Variants in POU6F2 observed in about 807,000 individuals in gnomAD.
The protein encoded by POU6F2 is POU class 6 homeobox 2, also known as POU domain, class 6, transcription factor 2.
POU6F2 carries 31 observed loss-of-function variants against 71.3 expected under a neutral mutation model. The observed-to-expected ratio is 0.43, with a 90% CI of 0.33 to 0.59. POU6F2 has a LOEUF of 0.59. Among genes scored for constraint, POU6F2 ranks in the 20% least tolerant of loss-of-function variants. The pLI is 0.04. For missense variants in POU6F2, 783 were observed against 856.8 expected, an observed-to-expected ratio of 0.91 and a Z score of 1.07; for synonymous variants, 347 against 355.7, an observed-to-expected ratio of 0.98 and a Z score of 0.27.
chr7:39,295,462 A>G (rs1422163984), intron 4 of POU6F2, among the ~76,000 whole-genome samples: 4 of 152,226 alleles, frequency 2.6e-5, no homozygotes, highest in Non-Finnish European at 5.9e-5. Context: ...CTAAAAATAC[A>G]AAAATTAGCC....
At chr7:39,104,618 C>G (rs1791638704) in intron 2 of POU6F2, among the ~76,000 whole-genome samples, 2 of 152,158 alleles carry the variant, frequency 1.3e-5, no homozygotes, top group Admixed American at 1.3e-4. Flanking sequence ...CTAACCTAGC[C>G]TTGGAAGTCA....
chr7:39,366,471 TAAGGGTAACA>T (rs1786503404), intron 5 of POU6F2, among the ~76,000 whole-genome samples: 1 of 151,942 alleles, frequency 6.6e-6, no homozygotes, highest in African/African-American at 2.4e-5. Context: ...ACAAGGACTT[TAAGGGTAACA>T]AAGGGTAGCA....
At position 38,992,274 on chromosome 7, in the gene POU6F2, T is replaced by C. The variant is rs556420242; in HGVS notation, c.105+14216T>C. Reference sequence around the variant, plus strand: ...ATTCCTTGTCTGGGAATTTGTTTTTTGCGCTCTGCTCCTAGCTTCATTTCA... The same window carrying C: ...ATTCCTTGTCTGGGAATTTGTTTTTCGCGCTCTGCTCCTAGCTTCATTTCA... On this transcript the variant is annotated intron_variant, in intron 1 of 9. Coordinates refer to ENST00000518318, the MANE Select transcript of POU6F2 (RefSeq NM_001370959.1). 1.1e-4 allele frequency among the ~76,000 whole-genome samples: 17 copies of C among 152,340 alleles called. 1 individual carries two copies. The South Asian group carries it at 3.5e-3, about 32-fold the overall frequency.
chr7:39,377,028 A>G (rs1322922041), intron 5 of POU6F2, among the ~76,000 whole-genome samples: 1 of 148,288 alleles, frequency 6.7e-6, no homozygotes, highest in Non-Finnish European at 1.5e-5. Flanking sequence ...TATTAAATAT[A>G]TAAAGTGAAT....
chr7:39,170,105 T>C (rs1240107407), intron 2 of POU6F2, among the ~76,000 whole-genome samples: 1 of 152,022 alleles, frequency 6.6e-6, no homozygotes, highest in Non-Finnish European at 1.5e-5. Context: ...GAGGTGGAGG[T>C]TGCAGTGAAT....
chr7:39,105,027 T>A (rs1163337221), intron 2 of POU6F2, among the ~76,000 whole-genome samples: 2 of 152,232 alleles, frequency 1.3e-5, no homozygotes, highest in Admixed American at 6.5e-5. Context: ...AGGTTTAGTT[T>A]AAATTTTGGA....
chr7:39,255,674 GTCA>G (rs1201410052), intron 4 of POU6F2, among the ~76,000 whole-genome samples: 1 of 152,224 alleles, frequency 6.6e-6, no homozygotes, highest in Non-Finnish European at 1.5e-5. Flanking sequence ...TGCCAAATAA[GTCA>G]TCATAAGCCG....
intron 6 of POU6F2, among the ~76,000 whole-genome samples, chr7:39,427,244 C>T (rs1008667248): frequency 3.3e-5 from 5 of 152,196 alleles, no homozygotes; most frequent in African/African-American, 1.2e-4. Flanking sequence ...GTGGACATTA[C>T]TATTCCTATT....
At chr7:39,274,147 C>T (rs957211127) in intron 4 of POU6F2, among the ~76,000 whole-genome samples, 19 of 151,770 alleles carry the variant, frequency 1.3e-4, no homozygotes, top group East Asian at 7.7e-4. Flanking sequence ...CTTTCAAGAC[C>T]GCTAGCAAGA....
intron 4 of POU6F2, among the ~76,000 whole-genome samples, chr7:39,281,067 T>A (rs1177143638): frequency 6.6e-6 from 1 of 152,180 alleles, no homozygotes; most frequent in Admixed American, 6.5e-5. Context: ...ATACAAGACA[T>A]ATGAAAACAC....
chr7:39,033,118 A>G (rs768500020), intron 1 of POU6F2, among the ~76,000 whole-genome samples: 4 of 152,234 alleles, frequency 2.6e-5, no homozygotes, highest in Non-Finnish European at 5.9e-5. Context: ...GATTCAAAGC[A>G]TATCACACCC....
chr7:39,337,584 G>C (rs1309668649), intron 4 of POU6F2, among the ~76,000 whole-genome samples: 4 of 151,952 alleles, frequency 2.6e-5, no homozygotes, highest in Admixed American at 2.6e-4. Context: ...ATTCTTCTCT[G>C]TCATATTTCA....
rs1467245588 is a variant in POU6F2, at chr7:39,406,545, G to T, written c.973-55G>T. The T allele has an allele frequency of 2.5e-6, 4 of 1,589,064 alleles. No individual in the cohort carries two copies. The African/African-American group carries it at 4.0e-5, about 16-fold the overall frequency. ...TCCCCAGAGTCAATGTTGTGTCCGT[G>T]TGCTGTGCCTGTGCCTCTCGGTGGT... On this transcript the variant is annotated intron_variant, in intron 5 of 9. Transcript: ENST00000518318.
chr7:38,997,053 T>C (rs1476048455), intron 1 of POU6F2, among the ~76,000 whole-genome samples: 1 of 152,200 alleles, frequency 6.6e-6, no homozygotes, highest in African/African-American at 2.4e-5. Flanking sequence ...CATTTCTTTT[T>C]TTCAAACAAA....
At chr7:38,995,893 C>T (rs1788720705) in intron 1 of POU6F2, among the ~76,000 whole-genome samples, 1 of 152,190 alleles carries the variant, frequency 6.6e-6, no homozygotes, top group Non-Finnish European at 1.5e-5. Flanking sequence ...CACCCATTTA[C>T]TTCTTGTATC....
At chr7:39,190,586 G>A (rs1022264243) in intron 2 of POU6F2, among the ~76,000 whole-genome samples, 1 of 150,258 alleles carries the variant, frequency 6.7e-6, no homozygotes, top group African/African-American at 2.4e-5. Flanking sequence ...GATGCTCAAG[G>A]ACTGGGTGTT....
chr7:39,022,125 A>G (rs981257866), intron 1 of POU6F2, among the ~76,000 whole-genome samples: 4 of 151,938 alleles, frequency 2.6e-5, no homozygotes, highest in Non-Finnish European at 5.9e-5. Context: ...TCTCTGATTA[A>G]TGCTTTCCTT....
chr7:39,173,147 T>A (rs921479443), intron 2 of POU6F2, among the ~76,000 whole-genome samples: 2 of 152,208 alleles, frequency 1.3e-5, no homozygotes, highest in African/African-American at 4.8e-5. Context: ...ATCTTATAAA[T>A]CTTCTTGTGT....
At chr7:39,297,857 G>A (rs114633321) in intron 4 of POU6F2, among the ~76,000 whole-genome samples, 2,654 of 152,098 alleles carry the variant, frequency 0.017, 81 homozygotes, top group African/African-American at 0.061. Flanking sequence ...ACCACACGTC[G>A]ACAACCATCT....
Sources: allele counts gnomAD v4.1 joint callset (sites outside exome capture counted in the v4.1 genomes callset), GRCh38; gene constraint gnomAD v4.1.1; transcripts MANE v1.5; gene names NCBI Gene and HGNC (gene_info 2026-07-23, HGNC 2026-07-21).